The following COX19 variants were observed in gnomAD, a reference collection of about 807,000 sequenced individuals.
The protein encoded by COX19 is cytochrome c oxidase assembly factor COX19.
Under a neutral mutation model 6.8 loss-of-function variants are expected in COX19, and 8 were observed. The ratio of observed to expected loss-of-function variants is 1.18; its 90% confidence interval spans 0.69 to 2.12. The LOEUF is 2.12. Ranked by LOEUF, COX19 falls within the 30% of genes most tolerant of loss-of-function variation. The pLI is 0.00. For missense variants in COX19, 131 were observed against 104.6 expected, an observed-to-expected ratio of 1.25 and a Z score of -1.10; for synonymous variants, 51 against 38.0, an observed-to-expected ratio of 1.34 and a Z score of -1.26.
In COX19 at chr7:965,002, A is replaced by C. The variant is rs1477844483; in HGVS notation, c.*4376T>G. On this transcript the variant is annotated 3_prime_UTR_variant, in exon 3 of 3. Coordinates refer to ENST00000344111, the MANE Select transcript of COX19 (RefSeq NM_001031617.3). The stretch of plus-strand genomic sequence containing the variant: ...GAACAGCAGGGTGTCTGGATTCTTA[A>C]GCACAACACATTCAGCAGCCAGACC... 6.6e-6 allele frequency among the ~76,000 whole-genome samples: 1 copy of C among 152,228 alleles called. No homozygotes were observed. The highest frequency in any genetic ancestry group is 2.4e-5 in the African/African-American group (1 of 41,452).
intron 2 of COX19, among the ~76,000 whole-genome samples, chr7:970,649 C>T (rs4311576): frequency 6.6e-6 from 1 of 151,740 alleles, no homozygotes; most frequent in Admixed American, 6.6e-5. Flanking sequence ...TCACCATGCT[C>T]GTCTTGAACT....
rs1166393581 is a variant in COX19, at chr7:971,471, T to C, written c.194+1710A>G. Among the ~76,000 whole-genome samples, 4 of 152,262 alleles carry C rather than the reference T, an allele frequency of 2.6e-5. No homozygotes were observed. In the East Asian group the frequency reaches 7.7e-4, roughly 29 times the overall value. The stretch of plus-strand genomic sequence containing the variant: ...GGTAGACTCCTCAACTTCTGTATGT[T>C]TGATGATTTTCATGAACAAATAACC... On this transcript the variant is annotated intron_variant, in intron 2 of 2. Transcript: ENST00000344111.
chr7:969,292 C>G lies in COX19; in HGVS notation c.*86G>C. ...AGCCCATTTCTAAGGACACCACACG[C>G]AGGCCTCAGCCAACCTAAGAGGCAG... On this transcript the variant is annotated 3_prime_UTR_variant, in exon 3 of 3. Transcript: ENST00000344111. 1 of 842,588 alleles carries G rather than the reference C, an allele frequency of 1.2e-6. No individual in the cohort carries two copies. The highest frequency in any genetic ancestry group is 1.4e-5 in the South Asian group (1 of 72,686). The allele number at this position is 842,588 out of a possible 1,614,324, so 52.2% of individuals were successfully genotyped here.
At position 975,307 on chromosome 7, in the gene COX19, G is replaced by T. The variant is rs3735677; in HGVS notation, c.82+121C>A. On this transcript the variant is annotated intron_variant, in intron 1 of 2. Transcript: ENST00000344111. Reference sequence around the variant, plus strand: ...GCTGGGTGGGGCGGAGGGGCGGGCCGCCGTGCCTCAGTTTCCCCGCCTGCA... The same window carrying T: ...GCTGGGTGGGGCGGAGGGGCGGGCCTCCGTGCCTCAGTTTCCCCGCCTGCA... 4.1e-6 allele frequency: 3 copies of T among 727,696 alleles called. No homozygotes were observed. In the Admixed American group the frequency reaches 9.7e-5, roughly 24 times the overall value. 45.1% of individuals were successfully genotyped at this position (727,696 alleles called of 1,614,324 possible).
rs555326098 is a variant in COX19 at position 971,059 on chromosome 7, C to G, written c.195-1603G>C. 9.8e-5 allele frequency among the ~76,000 whole-genome samples: 15 copies of G among 152,296 alleles called. No homozygotes were observed. The South Asian group carries it at 3.1e-3, about 32-fold the overall frequency. Reference sequence around the variant, plus strand: ...TTACAGGGATGGCCTCCTTTACCCTCCCCACAACCCAGCCAGGAGGCCCAG... The same window carrying G: ...TTACAGGGATGGCCTCCTTTACCCTGCCCACAACCCAGCCAGGAGGCCCAG... On this transcript the variant is annotated intron_variant, in intron 2 of 2. Transcript: ENST00000344111.
In COX19 at chr7:969,166, G is replaced by A. The variant is rs994247757; in HGVS notation, c.*212C>T. 1.7e-5 allele frequency: 9 copies of A among 527,568 alleles called. No individual in the cohort carries two copies. Among genetic ancestry groups the A allele is most frequent in the South Asian group, 1.1e-4 (4 of 37,894 alleles). The allele number at this position is 527,568 out of a possible 1,614,324, so 32.7% of individuals were successfully genotyped here. A position where few individuals can be genotyped will look rare whatever the true frequency, so the allele number is the denominator to read the frequency against. ...CCCTCCCAGCTTTGCCGGGAACGCCGTCCCACTCAGGGGTTCAATGCAGAA... is the reference window on the plus strand; with the variant it reads ...CCCTCCCAGCTTTGCCGGGAACGCCATCCCACTCAGGGGTTCAATGCAGAA... On this transcript the variant is annotated 3_prime_UTR_variant, in exon 3 of 3. Coordinates refer to ENST00000344111, the MANE Select transcript of COX19 (RefSeq NM_001031617.3).
At chr7:970,914 T>TTA (rs1847625568) in intron 2 of COX19, among the ~76,000 whole-genome samples, 1 of 152,212 alleles carries the variant, frequency 6.6e-6, no homozygotes, top group South Asian at 2.1e-4. Flanking sequence ...TGCAGCCATC[T>TTA]TAGAGGCGTG....
intron 1 of COX19, among the ~76,000 whole-genome samples, chr7:974,176 G>C (rs1225890699): frequency 6.8e-6 from 1 of 147,234 alleles, no homozygotes; most frequent in Non-Finnish European, 1.5e-5. Context: ...CAGCCTGGGC[G>C]ACACAGTGAG....
At chr7:969,595 G>A (rs575737438) in intron 2 of COX19, 139 bp from the exon 3 acceptor site, 51 of 681,480 alleles carry the variant, frequency 7.5e-5, no homozygotes, top group African/African-American at 4.6e-4. Context: ...CCTCGGCCTC[G>A]GCCCCCGTGG....
chr7:971,273 T>A (rs6943665), intron 2 of COX19, among the ~76,000 whole-genome samples: 1 of 152,096 alleles, frequency 6.6e-6, no homozygotes, highest in Non-Finnish European at 1.5e-5. Context: ...TATTTTCACA[T>A]CAGGCAAACA....
Position 967,821 on chromosome 7 carries a change from A to G in COX19, c.*1557T>C, listed in dbSNP as rs1847580529. Reference sequence around the variant, plus strand: ...CTGTGTCCCTGCCTGTCTCCACTTCACAGTAAGCTCACGCCATATAGCCGC... The same window carrying G: ...CTGTGTCCCTGCCTGTCTCCACTTCGCAGTAAGCTCACGCCATATAGCCGC... On this transcript the variant is annotated 3_prime_UTR_variant, in exon 3 of 3. Coordinates refer to ENST00000344111, the MANE Select transcript of COX19 (RefSeq NM_001031617.3). The G allele has an allele frequency of 6.6e-6, 1 of 152,198 alleles. No homozygotes were observed. Among genetic ancestry groups the G allele is most frequent in the East Asian group, 1.9e-4 (1 of 5,188 alleles). 9.4% of individuals were successfully genotyped at this position (152,198 alleles called of 1,614,324 possible). A position where few individuals can be genotyped will look rare whatever the true frequency, so the allele number is the denominator to read the frequency against.
At chr7:973,399 A>G in intron 1 of COX19, 107 bp from the exon 2 acceptor site, 4 of 1,366,624 alleles carry the variant, frequency 2.9e-6, no homozygotes, top group Non-Finnish European at 2.9e-6. Context: ...TTGTTTCCTC[A>G]GGCCGGGCGC....
At chr7:969,864 T>A (rs1019065434) in intron 2 of COX19, among the ~76,000 whole-genome samples, 5 of 151,978 alleles carry the variant, frequency 3.3e-5, no homozygotes, top group Non-Finnish European at 7.4e-5. Context: ...CTGGAACCTG[T>A]GCCTGCCACT....
At chr7:972,255 G>A (rs1847646336) in intron 2 of COX19, among the ~76,000 whole-genome samples, 1 of 152,218 alleles carries the variant, frequency 6.6e-6, no homozygotes, top group South Asian at 2.1e-4. Flanking sequence ...AGCCCTGGAA[G>A]AGCCTAAGCG....
chr7:973,286 C>T lies in COX19; in HGVS notation c.89G>A (p.Cys30Tyr). 1 of 1,589,484 alleles carries T rather than the reference C, an allele frequency of 6.3e-7. No individual in the cohort carries two copies. Residue 30 changes from cysteine to tyrosine, a missense_variant, in exon 2 of 3, where the codon TGT becomes TAT. Coordinates refer to ENST00000344111, the MANE Select transcript of COX19 (RefSeq NM_001031617.3). The stretch of plus-strand genomic sequence containing the variant: ...CATGAATTTCTCTTTAAAGCTTTTA[C>T]ATTCACCTAGAACGAGAAAGAAAAC... ...GSFPLDHLGE[C>Y]KSFKEKFMKC...
At chr7:972,960 T>C (rs530293417) in intron 2 of COX19, 2 of 323,076 alleles carry the variant, frequency 6.2e-6, no homozygotes, top group Non-Finnish European at 1.1e-5. Context: ...CAATCATGTA[T>C]AACGCTATCG....
rs1847575510 is a variant in COX19, at chr7:967,565, T to C, written c.*1813A>G. 6.6e-6 allele frequency: 1 copy of C among 152,226 alleles called. No individual in the cohort carries two copies. The highest frequency in any genetic ancestry group is 2.1e-4 in the South Asian group (1 of 4,836). The allele number at this position is 152,226 out of a possible 1,614,324, so 9.4% of individuals were successfully genotyped here. A position where few individuals can be genotyped will look rare whatever the true frequency, so the allele number is the denominator to read the frequency against. On this transcript the variant is annotated 3_prime_UTR_variant, in exon 3 of 3. Transcript: ENST00000344111. ...GCAGGCCCGACCCGGGCCTGGGCAC[T>C]CCCGACGGCGGGTCAGAGTGCGATG... is the stretch of plus-strand genomic sequence containing the variant.
intron 2 of COX19, 178 bp downstream of exon 2, chr7:973,003 C>G (rs1847656422): frequency 5.1e-6 from 2 of 393,714 alleles, no homozygotes; most frequent in South Asian, 6.2e-5. Context: ...TGTGAAACAG[C>G]TTTTGGTACA....
intron 2 of COX19, among the ~76,000 whole-genome samples, chr7:972,489 C>T (rs1183436307): frequency 1.3e-5 from 2 of 152,224 alleles, no homozygotes; most frequent in Non-Finnish European, 2.9e-5. Flanking sequence ...AGCACAGACA[C>T]AGCTGTCTGA....
Sources: gnomAD v4.1 joint callset for allele counts (sites outside exome capture counted in the v4.1 genomes callset) on GRCh38, gnomAD v4.1.1 for gene constraint, MANE v1.5 for transcripts, NCBI Gene and HGNC (gene_info 2026-07-23, HGNC 2026-07-21) for gene names.